OTUD7A: variants seen among roughly 807,000 people sequenced by gnomAD.
OTUD7A encodes OTU domain-containing protein 7A.
A neutral mutation model predicts 65.7 loss-of-function variants in OTUD7A; 12 were observed. That is an observed-to-expected ratio of 0.18 (90% CI 0.12 to 0.30). OTUD7A has a LOEUF of 0.30. OTUD7A is among the 10% of genes least tolerant of loss of function. The probability of loss-of-function intolerance (pLI) is 1.00; values close to 1 mark genes in which losing one functional copy is unlikely to be tolerated. For synonymous variants in OTUD7A, 641 were observed against 586.3 expected, an observed-to-expected ratio of 1.09 and a Z score of -1.35; for missense variants, 1,148 against 1,304.8, an observed-to-expected ratio of 0.88 and a Z score of 1.85.
At chr15:31,558,386 G>A (rs1888568201) in intron 5 of OTUD7A, 1 of 153,510 alleles carries the variant, frequency 6.5e-6, no homozygotes, top group Non-Finnish European at 1.5e-5. Flanking sequence ...AAACACTAAG[G>A]AGAAGGAAGG....
intron 1 of OTUD7A, among the ~76,000 whole-genome samples, chr15:31,811,231 A>G (rs1478639926): frequency 3.3e-5 from 5 of 152,164 alleles, no homozygotes; most frequent in Non-Finnish European, 7.3e-5. Flanking sequence ...TAGAGCAGGA[A>G]TGGAAAGAGG....
chr15:31,610,617 A>ATATATTTTTTTTTTTTT, intron 3 of OTUD7A, among the ~76,000 whole-genome samples: 1 of 30,562 alleles, frequency 3.3e-5, no homozygotes, highest in Non-Finnish European at 4.9e-5. Flanking sequence ...ATATATATAT[A>ATATATTTTTTTTTTTTT]TTTTTTTTTT....
chr15:31,522,145 A>C (rs940717016), intron 8 of OTUD7A, among the ~76,000 whole-genome samples: 3 of 152,178 alleles, frequency 2.0e-5, no homozygotes, highest in Admixed American at 6.5e-5. Flanking sequence ...TAGCTGGTTA[A>C]ACGTTATTTC....
chr15:31,829,464 G>C (rs1337665089), intron 1 of OTUD7A, among the ~76,000 whole-genome samples: 1 of 152,198 alleles, frequency 6.6e-6, no homozygotes, highest in Non-Finnish European at 1.5e-5. Context: ...CTGGGTGAAA[G>C]CTCCAGGAAG....
intron 3 of OTUD7A, among the ~76,000 whole-genome samples, chr15:31,639,058 C>T (rs547954562): frequency 1.4e-3 from 219 of 152,000 alleles, no homozygotes; most frequent in African/African-American, 4.9e-3. Context: ...GGCGTGAACC[C>T]GGGAGGCAGA....
chr15:31,563,307 A>T (rs1282279914), intron 4 of OTUD7A, among the ~76,000 whole-genome samples: 1 of 152,236 alleles, frequency 6.6e-6, no homozygotes, highest in Non-Finnish European at 1.5e-5. Flanking sequence ...CGTGTGGTGT[A>T]GTCAAGGAAG....
At chr15:31,609,710 A>C (rs1051001476) in intron 3 of OTUD7A, among the ~76,000 whole-genome samples, 1 of 152,118 alleles carries the variant, frequency 6.6e-6, no homozygotes, top group Admixed American at 6.5e-5. Context: ...CCCTCTCCAT[A>C]CTAGCACAGC....
At chr15:31,583,138 T>C (rs1889422908) in intron 3 of OTUD7A, among the ~76,000 whole-genome samples, 1 of 152,226 alleles carries the variant, frequency 6.6e-6, no homozygotes. Flanking sequence ...TCAGTGTCAG[T>C]TCTGCACCAC....
At chr15:31,660,464 T>G (rs1227311375) in intron 1 of OTUD7A, among the ~76,000 whole-genome samples, 1 of 152,250 alleles carries the variant, frequency 6.6e-6, no homozygotes, top group East Asian at 1.9e-4. Context: ...TGTCTTTCAG[T>G]GCGGGGGCAT....
At chr15:31,725,100 T>C (rs1485880455) in intron 1 of OTUD7A, among the ~76,000 whole-genome samples, 1 of 152,116 alleles carries the variant, frequency 6.6e-6, no homozygotes, top group Non-Finnish European at 1.5e-5. Flanking sequence ...GCCCCCCACA[T>C]GACTACAGGT....
At chr15:31,850,525 G>A (rs1048781072) in intron 1 of OTUD7A, among the ~76,000 whole-genome samples, 10 of 151,798 alleles carry the variant, frequency 6.6e-5, no homozygotes, top group African/African-American at 1.2e-4. Context: ...AAACCTGCAC[G>A]TTGTGCACAT....
chr15:31,697,324 T>C (rs544957582), intron 1 of OTUD7A, among the ~76,000 whole-genome samples: 2,247 of 140,594 alleles, frequency 0.016, 28 homozygotes, highest in Non-Finnish European at 0.024. Context: ...GAATGATGTT[T>C]CTCAACCTTT....
chr15:31,604,398 A>C (rs1034539833), intron 3 of OTUD7A, among the ~76,000 whole-genome samples: 1 of 152,148 alleles, frequency 6.6e-6, no homozygotes, highest in Non-Finnish European at 1.5e-5. Context: ...GAACAATGAG[A>C]ACACATGGAC....
chr15:31,851,646 ATCATTTGAACTAATCCTTTGGG>A (rs1897428003), intron 1 of OTUD7A, among the ~76,000 whole-genome samples: 1 of 152,162 alleles, frequency 6.6e-6, no homozygotes, highest in Non-Finnish European at 1.5e-5. Context: ...GATGGAGGTG[ATCATTTGAACTAATCCTTTGGG>A]TCCTGCTGAC....
chr15:31,841,128 G>A (rs1897172918), intron 1 of OTUD7A, among the ~76,000 whole-genome samples: 1 of 152,174 alleles, frequency 6.6e-6, no homozygotes, highest in African/African-American at 2.4e-5. Context: ...ACACAGAGGT[G>A]GGGGCTGTGG....
chr15:31,506,441 A>T (rs12915833), intron 8 of OTUD7A, among the ~76,000 whole-genome samples: 25,580 of 150,788 alleles, frequency 0.17, 3,716 homozygotes, highest in African/African-American at 0.4. Flanking sequence ...TTTATTTGAA[A>T]TTTTTTTTAC....
At chr15:31,577,569 C>A (rs1889240002) in intron 3 of OTUD7A, among the ~76,000 whole-genome samples, 1 of 152,082 alleles carries the variant, frequency 6.6e-6, no homozygotes. Flanking sequence ...ACTTCTGTCT[C>A]CCTAAAATGT....
chr15:31,661,429 C>T (rs1423933287), intron 1 of OTUD7A, among the ~76,000 whole-genome samples: 1 of 152,080 alleles, frequency 6.6e-6, no homozygotes, highest in Non-Finnish European at 1.5e-5. Context: ...TTTAGGCTAA[C>T]AAGGAGAACA....
Position 31,793,997 on chromosome 15 carries a change from T to C in OTUD7A, c.-100+76510A>G, listed in dbSNP as rs147554717. On this transcript the variant is annotated intron_variant, in intron 1 of 12. Transcript: ENST00000307050. ...AATTAATTATTTTTGCCTTATAATT[T>C]GTGCTTTGAAGTTTAATTTTAAAAA... Among the ~76,000 whole-genome samples the C allele has an allele frequency of 3.3e-5, 5 of 152,370 alleles. No individual in the cohort carries two copies. In the East Asian group the frequency reaches 9.6e-4, roughly 29 times the overall value.
Sources: allele counts gnomAD v4.1 joint callset (sites outside exome capture counted in the v4.1 genomes callset), GRCh38; gene constraint gnomAD v4.1.1; transcripts MANE v1.5; gene names NCBI Gene and HGNC (gene_info 2026-07-23, HGNC 2026-07-21).